Variants in MBP observed in about 807,000 individuals in gnomAD.
MBP encodes Golli-MBP.
In MBP, 16 loss-of-function variants were observed where a neutral mutation model predicts 35.8. The observed-to-expected ratio is 0.45, with a 90% CI of 0.30 to 0.68. The LOEUF is 0.68. Among genes scored for constraint, MBP ranks in the 30% least tolerant of loss-of-function variants. The pLI, the probability that MBP is intolerant of heterozygous loss-of-function variation, is 0.08. For missense variants in MBP, 380 were observed against 404.7 expected (o/e 0.94, Z 0.52); for synonymous variants, 143 against 159.6 (o/e 0.90, Z 0.78).
At chr18:76,983,278 A>T (rs1347143355) in intron 8 of MBP, 3 of 152,226 alleles carry the variant, frequency 2.0e-5, no homozygotes, top group African/African-American at 7.2e-5. Context: ...CGGTGTCTGC[A>T]AAATCATCAC....
chr18:76,985,717 G>A (rs901338737), intron 7 of MBP: 3 of 1,010,576 alleles, frequency 3.0e-6, no homozygotes, highest in Non-Finnish European at 3.6e-6. Flanking sequence ...CCGGCTGTGT[G>A]GCCTTGGGCA....
intron 3 of MBP, among the ~76,000 whole-genome samples, chr18:77,022,828 C>T (rs950942880): frequency 6.6e-6 from 1 of 152,142 alleles, no homozygotes; most frequent in South Asian, 2.1e-4. Context: ...AAGAAGTATG[C>T]GAAGAAGTCT....
chr18:77,068,829 A>G (rs1291752269), intron 2 of MBP, among the ~76,000 whole-genome samples: 1 of 151,488 alleles, frequency 6.6e-6, no homozygotes, highest in East Asian at 1.9e-4. Flanking sequence ...AAACAAACTG[A>G]TGTCTGGCAT....
At position 77,102,141 on chromosome 18, in the gene MBP, G is replaced by A. The variant is rs1249801627; in HGVS notation, c.51+3070C>T. On this transcript the variant is annotated intron_variant, in intron 2 of 8. Transcript: ENST00000355994. The surrounding 1 kb of genome is among the most constrained non-coding windows in gnomAD (Gnocchi z 4.4). Reference sequence around the variant, plus strand: ...TCTAGTGTGGGTGGGGAGAGGTGGAGAAGGTGGCAGCAGGGTGGGAAGGAG... The same window carrying A: ...TCTAGTGTGGGTGGGGAGAGGTGGAAAAGGTGGCAGCAGGGTGGGAAGGAG... Among the ~76,000 whole-genome samples, 1 of 152,062 alleles carries A rather than the reference G, an allele frequency of 6.6e-6. No homozygotes were observed. The highest frequency in any genetic ancestry group is 1.5e-5 in the Non-Finnish European group (1 of 68,020).
chr18:77,066,627 A>G (rs1189049426), intron 2 of MBP: 1 of 714,718 alleles, frequency 1.4e-6, no homozygotes, highest in Non-Finnish European at 2.6e-6. Context: ...ATAGTTTTAT[A>G]CAAAAAAATT....
At position 76,996,624 on chromosome 18, in the gene MBP, G is replaced by T. The variant is rs116099997; in HGVS notation, c.577-6564C>A. Among the ~76,000 whole-genome samples the T allele has an allele frequency of 6.7e-3, 1,021 of 152,226 alleles. 13 individuals are homozygous for T. Among genetic ancestry groups the T allele is most frequent in the African/African-American group, 0.023 (962 of 41,514 alleles). On this transcript the variant is annotated intron_variant, in intron 4 of 8. Coordinates refer to ENST00000355994, the MANE Select transcript of MBP (RefSeq NM_001025101.2). ...CTGAGTAAAAGCCGCCATTCTAAAA[G>T]GTTTCATACTGTGTGGTCTTATTTA...
In MBP at chr18:77,026,390, C is replaced by T. The variant is rs548257480; in HGVS notation, c.140-9122G>A. Among the ~76,000 whole-genome samples, 17 of 152,340 alleles carry T rather than the reference C, an allele frequency of 1.1e-4. No homozygotes were observed. The South Asian group carries it at 1.9e-3, about 17-fold the overall frequency. On this transcript the variant is annotated intron_variant, in intron 3 of 8. Coordinates refer to ENST00000355994, the MANE Select transcript of MBP (RefSeq NM_001025101.2). ...TAATCCAGAGCATGCCATAGGAAAACATAACGAATAAAACTAGAATAAAAC... is the reference window on the plus strand; with the variant it reads ...TAATCCAGAGCATGCCATAGGAAAATATAACGAATAAAACTAGAATAAAAC...
intron 2 of MBP, among the ~76,000 whole-genome samples, chr18:77,067,233 G>A (rs1974236861): frequency 6.6e-6 from 1 of 152,234 alleles, no homozygotes; most frequent in Admixed American, 6.5e-5. Flanking sequence ...CTGGGAGGCA[G>A]CTGGCATTTC....
intron 4 of MBP, chr18:77,016,058 C>T (rs1219702233): frequency 1.0e-6 from 1 of 985,302 alleles, no homozygotes; most frequent in Non-Finnish European, 1.2e-6. Flanking sequence ...CTGAATGGCA[C>T]TCAGGGACCA....
chr18:76,986,024 CT>C (rs1969539352), intron 7 of MBP: 1 of 985,260 alleles, frequency 1.0e-6, no homozygotes, highest in Non-Finnish European at 1.2e-6. Flanking sequence ...GGGAACTCCA[CT>C]GCAAACATGG....
chr18:77,090,044 A>G (rs925007223), intron 2 of MBP, among the ~76,000 whole-genome samples: 1 of 152,188 alleles, frequency 6.6e-6, no homozygotes, highest in Non-Finnish European at 1.5e-5. Context: ...TTGCAGGTGC[A>G]GGTGAAGGCA....
In MBP at chr18:77,047,476, G is replaced by A. The variant is rs183393379; in HGVS notation, c.139+18822C>T. ...CAGTGGCCGGGGGCTGGGGTGAGACGTGTCGGGGAAGAGAATGGAGAAGGA... is the reference window on the plus strand; with the variant it reads ...CAGTGGCCGGGGGCTGGGGTGAGACATGTCGGGGAAGAGAATGGAGAAGGA... On this transcript the variant is annotated intron_variant, in intron 3 of 8. Coordinates refer to ENST00000355994, the MANE Select transcript of MBP (RefSeq NM_001025101.2). Among the ~76,000 whole-genome samples the A allele has an allele frequency of 8.5e-5, 13 of 152,354 alleles. No homozygotes were observed. The East Asian group carries it at 2.3e-3, about 27-fold the overall frequency.
chr18:77,125,987 T>C (rs1285750455), intron 1 of MBP, among the ~76,000 whole-genome samples: 1 of 152,108 alleles, frequency 6.6e-6, no homozygotes, highest in Non-Finnish European at 1.5e-5. Flanking sequence ...AAATTTCTAC[T>C]AAAACAGTTA....
chr18:77,026,495 G>A (rs984111175), intron 3 of MBP, among the ~76,000 whole-genome samples: 5 of 152,228 alleles, frequency 3.3e-5, no homozygotes, highest in African/African-American at 1.2e-4. Context: ...CTGTGGATGA[G>A]ATGATACTAT....
intron 4 of MBP, chr18:77,016,124 C>T: frequency 1.0e-6 from 1 of 984,890 alleles, no homozygotes; most frequent in South Asian, 4.7e-5. Context: ...CTGCAGAAAC[C>T]ACTCCTAGAC....
At chr18:77,128,041 T>C (rs1337920095) in intron 1 of MBP, 4 of 152,286 alleles carry the variant, frequency 2.6e-5, no homozygotes, top group Non-Finnish European at 5.9e-5. Flanking sequence ...TGGGCATTTA[T>C]CCCAGAGAAA....
chr18:77,122,433 T>C (rs1409301113), intron 1 of MBP, among the ~76,000 whole-genome samples: 2 of 152,130 alleles, frequency 1.3e-5, no homozygotes, highest in Non-Finnish European at 2.9e-5. Flanking sequence ...GTCTCTCAGA[T>C]GGGCAAGCTG....
chr18:77,116,812 A>G (rs1359204866), intron 1 of MBP, among the ~76,000 whole-genome samples: 1 of 152,080 alleles, frequency 6.6e-6, no homozygotes, highest in Non-Finnish European at 1.5e-5. Context: ...TGAGGCACTG[A>G]GTCGAGATTG....
intron 3 of MBP, among the ~76,000 whole-genome samples, chr18:77,028,006 T>TTTATTTATTTATTTATTTATTTA (rs1234045855): frequency 3.8e-5 from 2 of 52,032 alleles, no homozygotes; most frequent in South Asian, 7.2e-4. Flanking sequence ...TTATTTATTT[T>TTTATTTATTTATTTATTTATTTA]TTTATTGATC....
Sources: gnomAD v4.1 joint callset for allele counts (sites outside exome capture counted in the v4.1 genomes callset) on GRCh38, gnomAD v4.1.1 for gene constraint, Gnocchi (gnomAD v3.1) non-coding constraint, MANE v1.5 for transcripts, NCBI Gene and HGNC (gene_info 2026-07-23, HGNC 2026-07-21) for gene names.